The following MIER1 variants were observed in gnomAD, a reference collection of about 807,000 sequenced individuals.
MIER1 encodes the protein MIER1 transcriptional regulator.
A neutral mutation model predicts 75.7 loss-of-function variants in MIER1; 40 were observed. The ratio of observed to expected loss-of-function variants is 0.53; its 90% confidence interval spans 0.41 to 0.69. The LOEUF is 0.69. MIER1 is among the 30% of genes least tolerant of loss of function. MIER1 has a pLI of 0.00. For missense variants in MIER1, 574 were observed against 680.2 expected, an observed-to-expected ratio of 0.84 and a Z score of 1.74; for synonymous variants, 213 against 223.4, an observed-to-expected ratio of 0.95 and a Z score of 0.42.
At chr1:66,965,278 A>G (rs925749760) in intron 8 of MIER1, among the ~76,000 whole-genome samples, 1 of 152,152 alleles carries the variant, frequency 6.6e-6, no homozygotes, top group Non-Finnish European at 1.5e-5. Flanking sequence ...AATGTTCACC[A>G]TTGAGGTTTT....
intron 5 of MIER1, 78 bp downstream of exon 5, chr1:66,958,298 C>T: frequency 3.2e-6 from 3 of 931,858 alleles, no homozygotes; most frequent in Non-Finnish European, 2.9e-6. Context: ...ATTTTGATTA[C>T]TTGTCTTTAT....
chr1:66,937,122 T>C (rs1655083097), intron 2 of MIER1, among the ~76,000 whole-genome samples: 1 of 151,682 alleles, frequency 6.6e-6, no homozygotes, highest in Non-Finnish European at 1.5e-5. Flanking sequence ...ATAAAAGGTA[T>C]AGAAGGAAGA....
chr1:66,985,803 A>T lies in MIER1; in HGVS notation c.*903A>T. 5.8e-6 allele frequency: 5 copies of T among 867,410 alleles called. No individual in the cohort carries two copies. The highest frequency in any genetic ancestry group is 6.9e-6 in the Non-Finnish European group (5 of 728,758). 53.7% of individuals were successfully genotyped at this position (867,410 alleles called of 1,614,324 possible). ...ATCCAGGTGGTTAAAGCATTCATAA[A>T]GGATTATAAAATTTTTTTTTTTTTT... On this transcript the variant is annotated 3_prime_UTR_variant, in exon 14 of 14. Transcript: ENST00000401041.
At position 66,959,701 on chromosome 1, in the gene MIER1, TGAA is replaced by T. The variant is rs747674828; in HGVS notation, c.663_665del (p.Glu221del). On this transcript the variant is annotated inframe_deletion, in exon 7 of 14. Coordinates refer to ENST00000401041, the MANE Select transcript of MIER1 (RefSeq NM_001077700.3). Reference sequence around the variant, plus strand: ...TAGATAGTGAAGTAGAAGAAGAATCTGAAGAAGATGAAGATTATATTCCATCAG... The same window carrying T: ...TAGATAGTGAAGTAGAAGAAGAATCTGAAGATGAAGATTATATTCCATCAG... 3.5e-6 allele frequency: 5 copies of T among 1,440,514 alleles called. No homozygotes were observed. Among genetic ancestry groups the T allele is most frequent in the South Asian group, 1.4e-5 (1 of 69,876 alleles). 89.2% of individuals were successfully genotyped at this position (1,440,514 alleles called of 1,614,324 possible).
chr1:66,941,486 T>C (rs1474770776), intron 3 of MIER1, among the ~76,000 whole-genome samples: 1 of 152,178 alleles, frequency 6.6e-6, no homozygotes, highest in Non-Finnish European at 1.5e-5. Flanking sequence ...ACTTGTTTCT[T>C]ATAGTATTGT....
In MIER1 at chr1:66,931,728, G is replaced by A. The variant is rs142488274; in HGVS notation, c.168+5486G>A. On this transcript the variant is annotated intron_variant, in intron 2 of 13. Transcript: ENST00000401041. ...TTCTGTTTCCCCAAAATGTGACTGC[G>A]TTTGTTCCAGTAGACTGAGAATCGG... Among the ~76,000 whole-genome samples the A allele has an allele frequency of 4.0e-3, 606 of 152,206 alleles. 3 individuals are homozygous for A. Among genetic ancestry groups the A allele is most frequent in the Middle Eastern group, 0.02 (6 of 294 alleles).
At position 66,988,517 on chromosome 1, in the gene MIER1, C is replaced by T. The variant is rs140202511; in HGVS notation, c.*3617C>T. ...GCTGATCTTTTGCCAACTATACGGA[C>T]GTGGAGTTTTTCCTTTTCAGAATAT... On this transcript the variant is annotated 3_prime_UTR_variant, in exon 14 of 14. Coordinates refer to ENST00000401041, the MANE Select transcript of MIER1 (RefSeq NM_001077700.3). 7.2e-5 allele frequency: 11 copies of T among 152,072 alleles called. No individual in the cohort carries two copies. Among genetic ancestry groups the T allele is most frequent in the East Asian group, 5.6e-4 (3 of 5,328 alleles). 9.4% of individuals were successfully genotyped at this position (152,072 alleles called of 1,614,324 possible).
intron 5 of MIER1, among the ~76,000 whole-genome samples, chr1:66,958,561 T>G (rs979389661): frequency 5.9e-5 from 9 of 152,080 alleles, no homozygotes; most frequent in African/African-American, 2.2e-4. Flanking sequence ...AATTTTAGAT[T>G]TATAAAAGGT....
intron 2 of MIER1, chr1:66,928,903 G>A (rs1652448923): frequency 6.2e-7 from 1 of 1,606,640 alleles, no homozygotes; most frequent in Non-Finnish European, 8.5e-7. Flanking sequence ...ATGTGCATCA[G>A]ATGTTTATGT....
At chr1:66,953,064 A>AC (rs1484864898) in intron 4 of MIER1, among the ~76,000 whole-genome samples, 1 of 152,222 alleles carries the variant, frequency 6.6e-6, no homozygotes, top group Non-Finnish European at 1.5e-5. Context: ...CTCCAGAAAC[A>AC]AAGTATGGAC....
At chr1:66,936,816 T>A (rs888250241) in intron 2 of MIER1, among the ~76,000 whole-genome samples, 1 of 151,098 alleles carries the variant, frequency 6.6e-6, no homozygotes, top group Non-Finnish European at 1.5e-5. Context: ...CTGGCCAACA[T>A]GTGTGAAACC....
At chr1:66,948,499 A>G (rs138454832) in intron 4 of MIER1, among the ~76,000 whole-genome samples, 1 of 152,368 alleles carries the variant, frequency 6.6e-6, no homozygotes, top group Non-Finnish European at 1.5e-5. Flanking sequence ...GGATTAGATC[A>G]TTTAGTGATT....
At chr1:66,962,526 G>T (rs1233812884) in intron 7 of MIER1, among the ~76,000 whole-genome samples, 1 of 152,106 alleles carries the variant, frequency 6.6e-6, no homozygotes, top group Non-Finnish European at 1.5e-5. Flanking sequence ...ATTTCTAACA[G>T]TTTCCCATTA....
intron 2 of MIER1, chr1:66,930,453 G>A (rs915738030): frequency 1.3e-6 from 2 of 1,588,538 alleles, no homozygotes; most frequent in Admixed American, 1.7e-5. Context: ...CCCCGGCCCT[G>A]GGCCGGGGAG....
rs141408118 is a variant in MIER1, at chr1:66,977,077, G to A, written c.1229+355G>A. Reference sequence around the variant, plus strand: ...TGAAAGCATGTTTTTCTTAAATTCAGTTCCATTCAGTATAAGCACATACAG... The same window carrying A: ...TGAAAGCATGTTTTTCTTAAATTCAATTCCATTCAGTATAAGCACATACAG... On this transcript the variant is annotated intron_variant, in intron 12 of 13. Coordinates refer to ENST00000401041, the MANE Select transcript of MIER1 (RefSeq NM_001077700.3). Among the ~76,000 whole-genome samples, 116 of 151,686 alleles carry A rather than the reference G, an allele frequency of 7.6e-4. 2 individuals carry two copies. The East Asian group carries it at 0.021, about 28-fold the overall frequency.
intron 5 of MIER1, 90 bp downstream of exon 5, chr1:66,958,310 A>T (rs1210780320): frequency 3.5e-6 from 2 of 571,642 alleles, no homozygotes; most frequent in Non-Finnish European, 5.0e-6. Flanking sequence ...TGTCTTTATA[A>T]TCTTTTCCTG....
intron 7 of MIER1, among the ~76,000 whole-genome samples, chr1:66,962,183 A>G (rs1661379148): frequency 6.6e-6 from 1 of 152,200 alleles, no homozygotes; most frequent in Non-Finnish European, 1.5e-5. Flanking sequence ...GCTTTTGAGA[A>G]CATCCAGTTT....
intron 2 of MIER1, among the ~76,000 whole-genome samples, chr1:66,930,614 C>T (rs1178564629): frequency 6.6e-6 from 1 of 151,732 alleles, no homozygotes; most frequent in Non-Finnish European, 1.5e-5. Context: ...CGTACTTGGA[C>T]TTCGGGGGCA....
At chr1:66,983,099 A>G (rs1054456518) in intron 13 of MIER1, among the ~76,000 whole-genome samples, 1 of 152,242 alleles carries the variant, frequency 6.6e-6, no homozygotes, top group Non-Finnish European at 1.5e-5. Flanking sequence ...TAAGTTACTT[A>G]TAAATTACTT....
Sources: gnomAD v4.1 joint callset for allele counts (sites outside exome capture counted in the v4.1 genomes callset) on GRCh38, gnomAD v4.1.1 for gene constraint, MANE v1.5 for transcripts, NCBI Gene and HGNC (gene_info 2026-07-23, HGNC 2026-07-21) for gene names.